CLNK: variants seen among roughly 807,000 people sequenced by gnomAD.
The protein encoded by CLNK is cytokine-dependent hematopoietic cell linker.
A neutral mutation model predicts 68.6 loss-of-function variants in CLNK; 74 were observed. The ratio of observed to expected loss-of-function variants is 1.08; its 90% confidence interval spans 0.89 to 1.31. The LOEUF (loss-of-function observed/expected upper bound fraction) is 1.31, where lower values mean the gene tolerates loss of function less well. CLNK is among the 50% of genes most tolerant of loss of function. The probability of loss-of-function intolerance (pLI) is 0.00; values close to 1 mark genes in which losing one functional copy is unlikely to be tolerated. For missense variants in CLNK, 553 were observed against 515.3 expected (o/e 1.07, Z -0.71); for synonymous variants, 198 against 172.2 (o/e 1.15, Z -1.17).
At chr4:10,599,689 T>G (rs2720367) in intron 2 of CLNK, among the ~76,000 whole-genome samples, 1 of 152,116 alleles carries the variant, frequency 6.6e-6, no homozygotes, top group Non-Finnish European at 1.5e-5. Flanking sequence ...TGGGTGCTAA[T>G]CTTGAGTCTT....
intron 2 of CLNK, among the ~76,000 whole-genome samples, chr4:10,613,525 G>C (rs1427143235): frequency 6.6e-6 from 1 of 152,158 alleles, no homozygotes; most frequent in African/African-American, 2.4e-5. Flanking sequence ...TCATTGAGAG[G>C]CACTAGACTT....
chr4:10,535,755 CAA>C (rs563627354), intron 11 of CLNK, among the ~76,000 whole-genome samples: 234 of 152,048 alleles, frequency 1.5e-3, no homozygotes, highest in African/African-American at 5.2e-3. Context: ...CCCCAGAGCT[CAA>C]AGTTTTGTTT....
the CLNK span, among the ~76,000 whole-genome samples, chr4:10,733,334 C>G: frequency 1.3e-5 from 2 of 152,160 alleles, no homozygotes; most frequent in African/African-American, 2.4e-5. Context: ...CACCTTCCCC[C>G]CTTCACTGCC....
chr4:10,710,766 A>G, the CLNK span, among the ~76,000 whole-genome samples: 1 of 152,174 alleles, frequency 6.6e-6, no homozygotes, highest in Non-Finnish European at 1.5e-5. Flanking sequence ...TTACCTGTTC[A>G]TGCCTTGGTT....
chr4:10,663,151 C>T lies in CLNK; in HGVS notation c.11+4708G>A, dbSNP rs563287667. ...GATGAAGAGGTACTGGAAACCAAAC[C>T]CCAAGATGCCCTTATCTAGCCCCAG... On this transcript the variant is annotated intron_variant, in intron 2 of 18. Transcript: ENST00000226951. 2.0e-5 allele frequency among the ~76,000 whole-genome samples: 3 copies of T among 152,280 alleles called. No homozygotes were observed. In the South Asian group the frequency reaches 6.2e-4, roughly 32 times the overall value.
intron 2 of CLNK, among the ~76,000 whole-genome samples, chr4:10,649,942 C>G (rs1723662409): frequency 1.3e-5 from 2 of 151,808 alleles, no homozygotes; most frequent in South Asian, 2.1e-4. Context: ...TGACAGACAA[C>G]AGGATTAGCT....
rs72173722 is a variant in CLNK at position 10,489,669 on chromosome 4, C to CTTTTTTTTTTTTTTTTTTTTT, written c.*797_*798insAAAAAAAAAAAAAAAAAAAAA. The CTTTTTTTTTTTTTTTTTTTTT allele has an allele frequency of 4.8e-5, 3 of 62,366 alleles. 1 individual carries two copies. Among genetic ancestry groups the CTTTTTTTTTTTTTTTTTTTTT allele is most frequent in the Non-Finnish European group, 1.1e-4 (3 of 26,726 alleles). The allele number at this position is 62,366 out of a possible 1,614,324, so 3.9% of individuals were successfully genotyped here. On this transcript the variant is annotated 3_prime_UTR_variant, in exon 19 of 19. Coordinates refer to ENST00000226951, the MANE Select transcript of CLNK (RefSeq NM_052964.4). The stretch of plus-strand genomic sequence containing the variant: ...GAGCTAATATTCACCAACCCAACAC[C>CTTTTTTTTTTTTTTTTTTTTT]TTTTTTTTTTTTTGAGACGGAGTCT...
chr4:10,642,642 G>A (rs1427164742), intron 2 of CLNK, among the ~76,000 whole-genome samples: 1 of 152,126 alleles, frequency 6.6e-6, no homozygotes, highest in Non-Finnish European at 1.5e-5. Context: ...TTGCCCTGCA[G>A]TTTCCTCATC....
intron 2 of CLNK, among the ~76,000 whole-genome samples, chr4:10,621,288 G>C (rs147601453): frequency 2.0e-5 from 3 of 152,172 alleles, no homozygotes; most frequent in African/African-American, 7.2e-5. Flanking sequence ...CAGACAGGGG[G>C]ATTCTTGAGG....
intron 18 of CLNK, among the ~76,000 whole-genome samples, chr4:10,499,876 A>T (rs1159372776): frequency 6.6e-6 from 1 of 152,072 alleles, no homozygotes; most frequent in African/African-American, 2.4e-5. Flanking sequence ...TCATAAGAAC[A>T]TCTCTCATAT....
rs1421704257 is a variant in CLNK, at chr4:10,486,977, A to G, written c.*3490T>C. 1 of 152,250 alleles carries G rather than the reference A, an allele frequency of 6.6e-6. No homozygotes were observed. The highest frequency in any genetic ancestry group is 1.5e-5 in the Non-Finnish European group (1 of 68,042). 9.4% of individuals were successfully genotyped at this position (152,250 alleles called of 1,614,324 possible). ...TTAGTAATGAATACACATGCAGTAC[A>G]CAAAGGTGCTAACACAATATATGAC... On this transcript the variant is annotated 3_prime_UTR_variant, in exon 19 of 19. Coordinates refer to ENST00000226951, the MANE Select transcript of CLNK (RefSeq NM_052964.4).
intron 2 of CLNK, among the ~76,000 whole-genome samples, chr4:10,648,948 C>T (rs1284602773): frequency 6.6e-6 from 1 of 152,046 alleles, no homozygotes; most frequent in African/African-American, 2.4e-5. Flanking sequence ...ATAGATTAGC[C>T]CTTGAATCCT....
intron 2 of CLNK, among the ~76,000 whole-genome samples, chr4:10,623,548 T>G (rs1295751711): frequency 6.6e-6 from 1 of 152,210 alleles, no homozygotes; most frequent in African/African-American, 2.4e-5. Flanking sequence ...CTCATCAATA[T>G]ATCAGGTGAA....
chr4:10,537,682 C>CTTTCTTT (rs1560206905), intron 11 of CLNK, among the ~76,000 whole-genome samples: 9 of 22,454 alleles, frequency 4.0e-4, no homozygotes, highest in African/African-American at 1.3e-3. Flanking sequence ...TTTCTTTCTT[C>CTTTCTTT]CTTCCTTCCT....
chr4:10,581,702 A>G (rs1720790809), intron 4 of CLNK, among the ~76,000 whole-genome samples: 2 of 151,756 alleles, frequency 1.3e-5, no homozygotes. Flanking sequence ...ATATGGAGCT[A>G]CCACAAATTG....
At chr4:10,702,872 A>G in the CLNK span, among the ~76,000 whole-genome samples, 1 of 152,112 alleles carries the variant, frequency 6.6e-6, no homozygotes, top group Non-Finnish European at 1.5e-5. Context: ...TTCCCTTCTC[A>G]CTTGATTTAT....
chr4:10,716,049 G>A, the CLNK span, among the ~76,000 whole-genome samples: 4 of 152,168 alleles, frequency 2.6e-5, no homozygotes, highest in African/African-American at 9.7e-5. Context: ...GGCTGAACAT[G>A]CAAGATTATT....
At chr4:10,653,359 T>TA (rs898415789) in intron 2 of CLNK, among the ~76,000 whole-genome samples, 8 of 144,864 alleles carry the variant, frequency 5.5e-5, no homozygotes, top group African/African-American at 1.0e-4. Context: ...ACTTAAAGTA[T>TA]AAAAAAAAAG....
chr4:10,537,041 T>A (rs1718786298), intron 11 of CLNK, among the ~76,000 whole-genome samples: 1 of 152,240 alleles, frequency 6.6e-6, no homozygotes, highest in Admixed American at 6.5e-5. Flanking sequence ...GTCTGCATAT[T>A]AGCTTCACCT....
Sources: gnomAD v4.1 joint callset for allele counts (sites outside exome capture counted in the v4.1 genomes callset) on GRCh38, gnomAD v4.1.1 for gene constraint, MANE v1.5 for transcripts, NCBI Gene and HGNC (gene_info 2026-07-23, HGNC 2026-07-21) for gene names.